The following C4orf50 variants were observed in gnomAD, a reference collection of about 807,000 sequenced individuals.
The protein encoded by C4orf50 is uncharacterized protein C4orf50.
In C4orf50, 80 loss-of-function variants were observed where a neutral mutation model predicts 77.2. The ratio of observed to expected loss-of-function variants is 1.04; its 90% CI spans 0.87 to 1.25. The LOEUF is 1.25. C4orf50 is among the 50% of genes most tolerant of loss of function. The pLI is 0.00. For synonymous variants in C4orf50, 532 were observed against 465.3 expected (o/e 1.14, Z -1.84); for missense variants, 1,257 against 1,152.9 (o/e 1.09, Z -1.31).
rs1372528394 is a variant in C4orf50 at position 6,009,870 on chromosome 4, T to C, written c.427-1338A>G. Among the ~76,000 whole-genome samples, 1 of 152,132 alleles carries C rather than the reference T, an allele frequency of 6.6e-6. No individual in the cohort carries two copies. Among genetic ancestry groups the C allele is most frequent in the Admixed American group, 6.5e-5 (1 of 15,276 alleles). ...TGAGAGACCCTAAGCAATTTCCCTA[T>C]CACTTTGAACATCTGCCGCCTGTCT... On this transcript the variant is annotated intron_variant, in intron 24 of 33. Transcript: ENST00000531445. This position sits in a 1 kb window ranked among gnomAD's most constrained non-coding sequence, Gnocchi z 5.6.
chr4:5,959,344 A>G, exon 34 of C4orf50: 1 of 1,601,550 alleles, frequency 6.2e-7, no homozygotes, highest in Non-Finnish European at 8.5e-7. Context: ...TATGGAGTCT[A>G]TGAAATGGCT....
intron 28 of C4orf50, among the ~76,000 whole-genome samples, chr4:5,982,596 C>T (rs895264299): frequency 6.6e-6 from 1 of 152,166 alleles, no homozygotes; most frequent in African/African-American, 2.4e-5. Flanking sequence ...GTACAACAAC[C>T]ACATCTGGGT....
chr4:5,934,553 G>A (rs887419377), intron 7 of C4orf50, among the ~76,000 whole-genome samples: 3 of 151,834 alleles, frequency 2.0e-5, no homozygotes, highest in South Asian at 2.1e-4. Flanking sequence ...CCCTCCTCCC[G>A]GCCCCACTTA....
At chr4:6,005,450 T>C (rs899138330) in intron 25 of C4orf50, among the ~76,000 whole-genome samples, 6 of 152,044 alleles carry the variant, frequency 3.9e-5, no homozygotes, top group Admixed American at 3.3e-4. Context: ...AGGGAGCTTA[T>C]GGCATAGAAT....
intron 28 of C4orf50, among the ~76,000 whole-genome samples, chr4:5,981,467 T>A (rs375774480): frequency 2.5e-4 from 38 of 149,180 alleles, no homozygotes; most frequent in African/African-American, 9.4e-4. Context: ...TGCAATGGCA[T>A]GACCTCGGCT....
At chr4:5,959,544 C>A (rs762448189) in exon 34 of C4orf50, 1 of 1,614,050 alleles carries the variant, frequency 6.2e-7, no homozygotes, top group African/African-American at 1.3e-5. Context: ...TTCTTGCAGA[C>A]GTTGTGCGGG....
chr4:5,919,897 A>C lies in C4orf50; in HGVS notation c.*2475-21709T>G, dbSNP rs1414046640. Among the ~76,000 whole-genome samples, 2 of 152,218 alleles carry C rather than the reference A, an allele frequency of 1.3e-5. No individual in the cohort carries two copies. The highest frequency in any genetic ancestry group is 4.8e-5 in the African/African-American group (2 of 41,458). On this transcript the variant is annotated intron_variant, in intron 7 of 7. Transcript: ENST00000324058. This position sits in a 1 kb window ranked among gnomAD's most constrained non-coding sequence, Gnocchi z 6.5. ...GGGTTCCACATCCATCGATTCAACC[A>C]ACCAGGGATTGAAAATACTCAAAGA...
At chr4:6,002,344 G>A (rs1721867008) in intron 25 of C4orf50, among the ~76,000 whole-genome samples, 1 of 152,198 alleles carries the variant, frequency 6.6e-6, no homozygotes, top group African/African-American at 2.4e-5. Flanking sequence ...TGGCCCCACT[G>A]CCACCTTGAT....
At position 6,008,814 on chromosome 4, in the gene C4orf50, T is replaced by A. The variant is rs1041036863; in HGVS notation, c.427-282A>T. Among the ~76,000 whole-genome samples the A allele has an allele frequency of 5.9e-5, 9 of 152,170 alleles. No individual in the cohort carries two copies. Among genetic ancestry groups the A allele is most frequent in the Non-Finnish European group, 1.3e-4 (9 of 68,028 alleles). ...GAAGGGAGCTGTGCAGGTGGCAGGATGGCCATCAGCGAGTACACACCCTGA... is the reference window on the plus strand; with the variant it reads ...GAAGGGAGCTGTGCAGGTGGCAGGAAGGCCATCAGCGAGTACACACCCTGA... On this transcript the variant is annotated intron_variant, in intron 24 of 33. Transcript: ENST00000531445. The surrounding 1 kb of genome is among the most constrained non-coding windows in gnomAD (Gnocchi z 6.0).
At chr4:5,941,713 T>C (rs908343993) in intron 7 of C4orf50, among the ~76,000 whole-genome samples, 14 of 152,148 alleles carry the variant, frequency 9.2e-5, no homozygotes, top group Non-Finnish European at 1.8e-4. Flanking sequence ...CTCTCCTATT[T>C]TCCTCACTGC....
At chr4:5,975,637 C>T (rs532984846) in intron 30 of C4orf50, among the ~76,000 whole-genome samples, 6 of 152,180 alleles carry the variant, frequency 3.9e-5, no homozygotes, top group African/African-American at 1.4e-4. Context: ...TCAGCCCTCC[C>T]AAGTAACTGG....
At chr4:5,939,867 G>C (rs546765143) in intron 7 of C4orf50, among the ~76,000 whole-genome samples, 1 of 152,312 alleles carries the variant, frequency 6.6e-6, no homozygotes, top group South Asian at 2.1e-4. Context: ...CTTCAGCAGT[G>C]ATAAGAGACC....
chr4:6,014,293 G>C (rs1722602430), intron 23 of C4orf50, among the ~76,000 whole-genome samples: 1 of 152,070 alleles, frequency 6.6e-6, no homozygotes, highest in Non-Finnish European at 1.5e-5. Flanking sequence ...CGAGCAACCG[G>C]GCCGGCCTAG....
At chr4:5,926,623 T>A (rs1266360529) in intron 7 of C4orf50, among the ~76,000 whole-genome samples, 1 of 146,890 alleles carries the variant, frequency 6.8e-6, no homozygotes, top group Non-Finnish European at 1.5e-5. Context: ...TTTGCCTCAA[T>A]TTTTTTTTTT....
chr4:5,926,604 C>A (rs1267907294), intron 7 of C4orf50, among the ~76,000 whole-genome samples: 2 of 152,058 alleles, frequency 1.3e-5, no homozygotes, highest in Non-Finnish European at 2.9e-5. Context: ...AATTTTACAT[C>A]ATGTGAATTT....
chr4:5,968,383 T>C (rs1229898080), intron 31 of C4orf50, among the ~76,000 whole-genome samples: 3 of 152,190 alleles, frequency 2.0e-5, no homozygotes, highest in Non-Finnish European at 4.4e-5. Flanking sequence ...GAGGGCTTAA[T>C]ACTCTGCGGC....
chr4:6,010,138 A>T (rs1722432663), intron 24 of C4orf50, among the ~76,000 whole-genome samples: 1 of 152,142 alleles, frequency 6.6e-6, no homozygotes, highest in Admixed American at 6.5e-5. Context: ...ACATTCACAT[A>T]GGGCATGGCT....
rs1716296659 is a variant in C4orf50 at position 5,900,458 on chromosome 4, A to G, written c.*2475-2270T>C. 6.6e-6 allele frequency: 1 copy of G among 152,126 alleles called. No individual in the cohort carries two copies. The highest frequency in any genetic ancestry group is 2.4e-5 in the African/African-American group (1 of 41,418). The allele number at this position is 152,126 out of a possible 1,614,324, so 9.4% of individuals were successfully genotyped here. ...TAGCCAAAAAGTAGGTGAGTTTCCA[A>G]GATATCCTGGGATTCAGGGCTTCCC... On this transcript the variant is annotated intron_variant, in intron 7 of 7. Transcript: ENST00000324058. The surrounding 1 kb of genome is among the most constrained non-coding windows in gnomAD (Gnocchi z 4.3).
rs760841003 is a variant in C4orf50 at position 5,989,787 on chromosome 4, T to G, written c.2259A>C (p.Glu753Asp). Residue 753 changes from glutamate (E) to aspartate (D), a missense_variant, in exon 28 of 34, where the codon GAA (glutamate) becomes GAC (aspartate). Physicochemically the swap from Glu to Asp is conservative, Grantham distance 45. Coordinates refer to ENST00000531445, the Ensembl canonical transcript of C4orf50. The stretch of plus-strand genomic sequence containing the variant: ...AGAAAAGCATTTCCTTGCTCTCATG[T>G]TCCTGGGAGTCAGGCTCCTCGGGGG... The G allele has an allele frequency of 4.6e-6, 7 of 1,519,756 alleles. No homozygotes were observed. The South Asian group carries it at 8.6e-5, about 19-fold the overall frequency. The allele number at this position is 1,519,756 out of a possible 1,614,324, so 94.1% of individuals were successfully genotyped here. A position where few individuals can be genotyped will look rare whatever the true frequency, so the allele number is the denominator to read the frequency against.
Sources: gnomAD v4.1 joint callset for allele counts (sites outside exome capture counted in the v4.1 genomes callset) on GRCh38, gnomAD v4.1.1 for gene constraint, Gnocchi (gnomAD v3.1) non-coding constraint, MANE v1.5 for transcripts, NCBI Gene and HGNC (gene_info 2026-07-23, HGNC 2026-07-21) for gene names.